Variants in KSR2 observed in about 807,000 individuals in gnomAD.
The protein encoded by KSR2 is kinase suppressor of ras 2.
Under a neutral mutation model 107.8 loss-of-function variants are expected in KSR2, and 25 were observed. The observed-to-expected ratio is 0.23, with a 90% CI of 0.17 to 0.32. KSR2 has a LOEUF of 0.32. Ranked by LOEUF, KSR2 falls within the 10% of genes least tolerant of loss-of-function variation. The pLI is 1.00. For missense variants in KSR2, 887 were observed against 1,268.9 expected (o/e 0.70, Z 4.57); for synonymous variants, 480 against 507.0 (o/e 0.95, Z 0.71).
At chr12:117,695,478 G>A (rs912506243) in intron 4 of KSR2, among the ~76,000 whole-genome samples, 3 of 151,850 alleles carry the variant, frequency 2.0e-5, no homozygotes, top group Non-Finnish European at 4.4e-5. Context: ...GGCCAAGGTG[G>A]GTGGATCCCT....
chr12:117,527,376 C>T (rs901210249), intron 12 of KSR2, among the ~76,000 whole-genome samples: 9 of 151,360 alleles, frequency 5.9e-5, no homozygotes, highest in Admixed American at 1.3e-4. Flanking sequence ...CAACACAGTG[C>T]GCAAGGACCT....
Position 117,897,303 on chromosome 12 carries a change from C to T in KSR2, c.181-36872G>A, listed in dbSNP as rs1894545569. On this transcript the variant is annotated intron_variant, in intron 1 of 19. Transcript: ENST00000339824. This position sits in a 1 kb window ranked among gnomAD's most constrained non-coding sequence, Gnocchi z 4.5. Reference sequence around the variant, plus strand: ...ACTTGCCAACTAAGAATACCTTTGGCAGTCAGCACACCATGCTGAAAGGTG... The same window carrying T: ...ACTTGCCAACTAAGAATACCTTTGGTAGTCAGCACACCATGCTGAAAGGTG... 6.6e-6 allele frequency among the ~76,000 whole-genome samples: 1 copy of T among 152,152 alleles called. No individual in the cohort carries two copies. Among genetic ancestry groups the T allele is most frequent in the African/African-American group, 2.4e-5 (1 of 41,446 alleles).
intron 3 of KSR2, among the ~76,000 whole-genome samples, chr12:117,783,390 G>T (rs1286515912): frequency 6.6e-6 from 1 of 152,190 alleles, no homozygotes; most frequent in Non-Finnish European, 1.5e-5. Context: ...TGAGGGCTTA[G>T]ATCCTGATTC....
At chr12:117,579,319 T>C (rs541480805) in intron 6 of KSR2, 117 bp from the exon 7 acceptor site, 40 of 751,778 alleles carry the variant, frequency 5.3e-5, no homozygotes, top group Admixed American at 3.9e-4. Flanking sequence ...TCCTGTTTCT[T>C]TCGAGCTGTG....
rs150961058 is a variant in KSR2, at chr12:117,829,348, T to TA, written c.472+26079dup. Among the ~76,000 whole-genome samples the TA allele has an allele frequency of 6.3e-3, 964 of 152,320 alleles. 8 individuals carry two copies. Among genetic ancestry groups the TA allele is most frequent in the African/African-American group, 0.022 (927 of 41,570 alleles). On this transcript the variant is annotated intron_variant, in intron 3 of 19. Transcript: ENST00000339824. ...ATCTCCTTCACTCTAAAGGCTTCCC[T>TA]AACCTTCTCCTATGCTCAGCCTCCA...
chr12:117,484,615 G>C, intron 15 of KSR2, 66 bp from the exon 16 acceptor site: 2 of 1,538,196 alleles, frequency 1.3e-6, no homozygotes, highest in South Asian at 2.3e-5. Context: ...ACCCTGGCTT[G>C]AGTTCACATT....
intron 1 of KSR2, among the ~76,000 whole-genome samples, chr12:117,916,218 C>T (rs1332501045): frequency 2.0e-5 from 3 of 146,880 alleles, no homozygotes; most frequent in East Asian, 2.0e-4. Flanking sequence ...CTCACTGCAA[C>T]CCCCGCCTCC....
chr12:117,645,905 G>A (rs1487450211), intron 5 of KSR2, among the ~76,000 whole-genome samples: 2 of 142,704 alleles, frequency 1.4e-5, no homozygotes, highest in South Asian at 2.3e-4. Flanking sequence ...GTGTGTGTGT[G>A]TGTGTGTGTA....
intron 9 of KSR2, among the ~76,000 whole-genome samples, chr12:117,542,530 A>AT (rs1316649135): frequency 6.6e-6 from 1 of 152,044 alleles, no homozygotes; most frequent in Admixed American, 6.5e-5. Flanking sequence ...CAAAACGAAG[A>AT]TCCCTCATGT....
intron 9 of KSR2, among the ~76,000 whole-genome samples, chr12:117,553,718 A>T (rs708856): frequency 0.31 from 47,128 of 151,798 alleles, 7,686 homozygotes; most frequent in East Asian, 0.41. Context: ...GGATCCCTCA[A>T]GAAGAGTTTG....
chr12:117,704,248 C>T (rs1022192350), intron 4 of KSR2, among the ~76,000 whole-genome samples: 1 of 152,052 alleles, frequency 6.6e-6, no homozygotes, highest in African/African-American at 2.4e-5. Context: ...ATAGCTGCAG[C>T]CACTAAGATT....
chr12:117,659,566 T>C (rs1330976000), intron 5 of KSR2, among the ~76,000 whole-genome samples: 5 of 152,228 alleles, frequency 3.3e-5, no homozygotes, highest in Admixed American at 3.3e-4. Context: ...CAGAGACTGC[T>C]GTTCTGCAAC....
intron 5 of KSR2, among the ~76,000 whole-genome samples, chr12:117,632,008 A>C (rs1252425764): frequency 6.6e-6 from 1 of 152,154 alleles, no homozygotes; most frequent in Non-Finnish European, 1.5e-5. Context: ...GAAATATAGG[A>C]AGTCATCTGC....
chr12:117,555,866 T>C (rs1877655538), intron 8 of KSR2, among the ~76,000 whole-genome samples: 1 of 152,208 alleles, frequency 6.6e-6, no homozygotes, highest in Non-Finnish European at 1.5e-5. Context: ...CTCCCTTCTG[T>C]TACTTCTATT....
At chr12:117,498,897 C>A (rs985566585) in intron 14 of KSR2, among the ~76,000 whole-genome samples, 9 of 152,222 alleles carry the variant, frequency 5.9e-5, no homozygotes, top group African/African-American at 1.9e-4. Context: ...CATTAAATTT[C>A]TTTCTTTTGT....
At chr12:117,638,738 G>A (rs2136396124) in intron 5 of KSR2, among the ~76,000 whole-genome samples, 1 of 152,172 alleles carries the variant, frequency 6.6e-6, no homozygotes, top group East Asian at 1.9e-4. Context: ...AGGAGCTTGT[G>A]ATATTCGATT....
At chr12:117,690,943 A>C (rs1014763077) in intron 4 of KSR2, among the ~76,000 whole-genome samples, 1 of 152,170 alleles carries the variant, frequency 6.6e-6, no homozygotes, top group African/African-American at 2.4e-5. Flanking sequence ...TCCGAAGGTA[A>C]ATATTCCCAC....
intron 4 of KSR2, 74 bp from the exon 5 acceptor site, chr12:117,667,732 C>G (rs1884727621): frequency 2.6e-5 from 33 of 1,287,520 alleles, no homozygotes; most frequent in Non-Finnish European, 3.4e-5. Context: ...GGAGGCCCAG[C>G]CTTGTGTTTC....
chr12:117,800,775 G>T (rs980653041), intron 3 of KSR2, among the ~76,000 whole-genome samples: 2 of 150,412 alleles, frequency 1.3e-5, no homozygotes, highest in Non-Finnish European at 3.0e-5. Flanking sequence ...AACAGGCCCC[G>T]GTGTGTGATG....
Sources: gnomAD v4.1 joint callset for allele counts (sites outside exome capture counted in the v4.1 genomes callset) on GRCh38, gnomAD v4.1.1 for gene constraint, Gnocchi (gnomAD v3.1) non-coding constraint, MANE v1.5 for transcripts, NCBI Gene and HGNC (gene_info 2026-07-23, HGNC 2026-07-21) for gene names.